Variants in WDR47 observed in about 807,000 individuals in gnomAD.
WDR47 encodes WD repeat-containing protein 47.
WDR47 carries 32 observed loss-of-function variants against 97.2 expected under a neutral mutation model. The ratio of observed to expected loss-of-function variants is 0.33; its 90% CI spans 0.25 to 0.44. WDR47 has a LOEUF of 0.44. WDR47 is among the 20% of genes least tolerant of loss of function. WDR47 has a pLI of 1.00. For missense variants in WDR47, 782 were observed against 1,102.3 expected (o/e 0.71, Z 4.11); for synonymous variants, 375 against 373.5 (o/e 1.00, Z -0.05).
intron 7 of WDR47, among the ~76,000 whole-genome samples, chr1:108,997,042 G>C (rs918373327): frequency 6.6e-6 from 1 of 151,916 alleles, no homozygotes; most frequent in Non-Finnish European, 1.5e-5. Context: ...CTTGAACCTG[G>C]GAAGCGGAGG....
At chr1:109,017,419 G>T in intron 3 of WDR47, 99 bp downstream of exon 3, 1 of 952,904 alleles carries the variant, frequency 1.0e-6, no homozygotes, top group Non-Finnish European at 1.6e-6. Context: ...TCTGTTCAAG[G>T]CCAGTGGAGA....
rs1329896626 is a variant in WDR47 at position 109,032,433 on chromosome 1, G to A, written c.-9-8912C>T. Among the ~76,000 whole-genome samples, 5 of 134,328 alleles carry A rather than the reference G, an allele frequency of 3.7e-5. 1 individual carries two copies. The highest frequency in any genetic ancestry group is 5.3e-5 in the African/African-American group (2 of 37,386). The allele number at this position is 134,328 out of a possible 152,430, so 88.1% of individuals were successfully genotyped here. ...TGAGGCAGGAGAATGGCATGAACCC[G>A]GGAGGTGGAGCTTGCAGTGAGCTGA... On this transcript the variant is annotated intron_variant, in intron 1 of 14. Coordinates refer to ENST00000369962, the MANE Select transcript of WDR47 (RefSeq NM_001142551.2).
chr1:108,997,653 G>C (rs576823511), intron 7 of WDR47, among the ~76,000 whole-genome samples: 2 of 151,326 alleles, frequency 1.3e-5, no homozygotes, highest in Non-Finnish European at 2.9e-5. Flanking sequence ...CCAGCTTCTC[G>C]GGAGGCTGAG....
At chr1:109,030,461 AC>A (rs1662544025) in intron 1 of WDR47, 1 of 316,092 alleles carries the variant, frequency 3.2e-6, no homozygotes, top group Non-Finnish European at 5.6e-6. Context: ...AGGAAAAAAA[AC>A]ACAACAGGCC....
chr1:109,029,130 A>G (rs1227612117), intron 1 of WDR47, among the ~76,000 whole-genome samples: 2 of 152,220 alleles, frequency 1.3e-5, no homozygotes, highest in Non-Finnish European at 2.9e-5. Context: ...GTGGACTCCT[A>G]TTGATTACCA....
At position 108,971,314 on chromosome 1, in the gene WDR47, G is replaced by T; in HGVS notation, c.*116C>A. On this transcript the variant is annotated 3_prime_UTR_variant, in exon 15 of 15. Coordinates refer to ENST00000369962, the MANE Select transcript of WDR47 (RefSeq NM_001142551.2). ...TCAGTGGGATACATGGTAATAAGGG[G>T]CCTCTTCGTGCTAAACCACTTTCCT... The T allele has an allele frequency of 7.3e-7, 1 of 1,372,600 alleles. No homozygotes were observed. The highest frequency in any genetic ancestry group is 1.0e-6 in the Non-Finnish European group (1 of 1,001,996). 85.0% of individuals were successfully genotyped at this position (1,372,600 alleles called of 1,614,324 possible). A position where few individuals can be genotyped will look rare whatever the true frequency, so the allele number is the denominator to read the frequency against.
chr1:109,011,445 C>G lies in WDR47; in HGVS notation c.601G>C (p.Gly201Arg). The G allele has an allele frequency of 6.2e-7, 1 of 1,614,152 alleles. No individual in the cohort carries two copies. The highest frequency in any genetic ancestry group is 8.5e-7 in the Non-Finnish European group (1 of 1,180,032). The change falls in exon 5 of 15, where the codon GGC (glycine) becomes CGC (arginine). Residue 201 changes from glycine (G) to arginine (R), a missense_variant. Coordinates refer to ENST00000369962, the MANE Select transcript of WDR47 (RefSeq NM_001142551.2). ...TCTACACAGCATTCATAAAGCAGGC[C>G]TTTCATTACAAGCTGAAATAAACGA... ...NNRLFQLVMK[G>R]LLYECCVEFC...
chr1:109,016,466 C>T (rs1462380853), intron 3 of WDR47, among the ~76,000 whole-genome samples: 1 of 152,190 alleles, frequency 6.6e-6, no homozygotes, highest in South Asian at 2.1e-4. Context: ...AAAAGGACGA[C>T]GTCACAGTAG....
At chr1:109,032,888 C>T (rs1052008889) in intron 1 of WDR47, among the ~76,000 whole-genome samples, 2 of 151,810 alleles carry the variant, frequency 1.3e-5, no homozygotes, top group Non-Finnish European at 2.9e-5. Context: ...CAGAGTGACA[C>T]TCTGTCCAAA....
chr1:109,031,839 C>T (rs1374499269), intron 1 of WDR47, among the ~76,000 whole-genome samples: 2 of 116,790 alleles, frequency 1.7e-5, no homozygotes, highest in Non-Finnish European at 1.8e-5. Flanking sequence ...TTGCTCTCAA[C>T]ACCAGGCTGA....
At chr1:108,993,202 G>A (rs2101867704) in intron 8 of WDR47, among the ~76,000 whole-genome samples, 1 of 152,164 alleles carries the variant, frequency 6.6e-6, no homozygotes. Context: ...GTATGTACCT[G>A]TAGTCCCAGC....
chr1:109,031,795 C>CTTTTTT, intron 1 of WDR47, among the ~76,000 whole-genome samples: 1 of 78,368 alleles, frequency 1.3e-5, no homozygotes, highest in Non-Finnish European at 2.7e-5. Context: ...ATCTTTCTTT[C>CTTTTTT]TTTTTTTTTT....
chr1:109,011,426 C>T lies in WDR47; in HGVS notation c.620G>A (p.Cys207Tyr). The T allele has an allele frequency of 6.2e-7, 1 of 1,614,194 alleles. No individual in the cohort carries two copies. The highest frequency in any genetic ancestry group is 8.5e-7 in the Non-Finnish European group (1 of 1,180,036). ...LVMKGLLYEC[C>Y]VEFCQSKATG... is the part of the protein sequence containing the mutation. ...TGCTTTACTCTGACAAAATTCTACA[C>T]AGCATTCATAAAGCAGGCCTTTCAT... The change falls in exon 5 of 15, where the codon TGT becomes TAT. Residue 207 changes from cysteine to tyrosine, a missense_variant. Cys to Tyr is a radical substitution (Grantham distance 194). Transcript: ENST00000369962.
At chr1:109,029,819 T>C (rs1448351191) in intron 1 of WDR47, among the ~76,000 whole-genome samples, 3 of 149,546 alleles carry the variant, frequency 2.0e-5, no homozygotes, top group Non-Finnish European at 4.4e-5. Context: ...GAGGCTGCAG[T>C]ACACTGAGAT....
At chr1:109,021,572 C>CA (rs2101990618) in intron 2 of WDR47, among the ~76,000 whole-genome samples, 2 of 148,600 alleles carry the variant, frequency 1.3e-5, no homozygotes, top group South Asian at 4.3e-4. Context: ...TTCTGTAGAG[C>CA]AATTATTTAA....
At chr1:109,013,528 C>T (rs1456797858) in intron 4 of WDR47, among the ~76,000 whole-genome samples, 1 of 151,678 alleles carries the variant, frequency 6.6e-6, no homozygotes, top group Non-Finnish European at 1.5e-5. Context: ...AACCCACTTC[C>T]GGGATTTAAA....
At chr1:109,030,460 AAC>A in intron 1 of WDR47, 1 of 316,760 alleles carries the variant, frequency 3.2e-6, no homozygotes, top group Non-Finnish European at 5.6e-6. Context: ...AAGGAAAAAA[AAC>A]ACAACAGGCC....
rs539770301 is a variant in WDR47 at position 109,013,645 on chromosome 1, T to C, written c.327+196A>G. ...CTTCAACTAGCCAGCTATTTATATATCTTGGCTTAAACCATGGAACAAGTT... is the reference window on the plus strand; with the variant it reads ...CTTCAACTAGCCAGCTATTTATATACCTTGGCTTAAACCATGGAACAAGTT... On this transcript the variant is annotated intron_variant, in intron 4 of 14. Transcript: ENST00000369962. Among the ~76,000 whole-genome samples the C allele has an allele frequency of 5.3e-5, 8 of 152,338 alleles. No individual in the cohort carries two copies. The East Asian group carries it at 1.5e-3, about 29-fold the overall frequency.
chr1:108,990,750 CA>C (rs554477545), intron 9 of WDR47, among the ~76,000 whole-genome samples: 4 of 147,056 alleles, frequency 2.7e-5, no homozygotes, highest in Admixed American at 6.8e-5. Context: ...GCTTCCAAAG[CA>C]AAAAAAAAGG....
Sources: gnomAD v4.1 joint callset for allele counts (sites outside exome capture counted in the v4.1 genomes callset) on GRCh38, gnomAD v4.1.1 for gene constraint, MANE v1.5 for transcripts, NCBI Gene and HGNC (gene_info 2026-07-23, HGNC 2026-07-21) for gene names.